The following KIF5B variants were observed in gnomAD, a reference collection of about 807,000 sequenced individuals.
KIF5B encodes the protein kinesin-1 heavy chain.
KIF5B carries 49 observed loss-of-function variants against 132.8 expected under a neutral mutation model. The observed-to-expected ratio is 0.37, with a 90% CI of 0.29 to 0.47. The LOEUF (loss-of-function observed/expected upper bound fraction) is 0.47, where lower values mean the gene tolerates loss of function less well. KIF5B is among the 20% of genes least tolerant of loss of function. The probability of loss-of-function intolerance (pLI) is 1.00; values close to 1 mark genes in which losing one functional copy is unlikely to be tolerated. For missense variants in KIF5B, 780 were observed against 1,144.0 expected (o/e 0.68, Z 4.59); for synonymous variants, 355 against 369.4 (o/e 0.96, Z 0.45).
At chr10:32,051,628 A>G (rs775461347) in intron 1 of KIF5B, among the ~76,000 whole-genome samples, 1 of 152,216 alleles carries the variant, frequency 6.6e-6, no homozygotes, top group African/African-American at 2.4e-5. Context: ...ATCTTTCTAG[A>G]AGTTATTGTT....
chr10:32,025,290 T>C (rs978668359), intron 15 of KIF5B, among the ~76,000 whole-genome samples: 1 of 152,226 alleles, frequency 6.6e-6, no homozygotes, highest in Non-Finnish European at 1.5e-5. Context: ...AAAGCTAACA[T>C]AGTCATAACG....
intron 1 of KIF5B, among the ~76,000 whole-genome samples, chr10:32,054,977 A>C (rs571319773): frequency 6.6e-6 from 1 of 152,214 alleles, no homozygotes; most frequent in Non-Finnish European, 1.5e-5. Flanking sequence ...AGAAGTATGA[A>C]TCTAATACTG....
chr10:32,021,772 A>C (rs957792119), intron 17 of KIF5B, among the ~76,000 whole-genome samples: 2 of 152,082 alleles, frequency 1.3e-5, no homozygotes, highest in African/African-American at 4.8e-5. Context: ...GGAGATCAAG[A>C]CCATCCTGCG....
chr10:32,015,640 C>T lies in KIF5B; in HGVS notation c.2781G>A (p.Gly927=). 6.2e-7 allele frequency: 1 copy of T among 1,612,570 alleles called. No individual in the cohort carries two copies. The highest frequency in any genetic ancestry group is 8.5e-7 in the Non-Finnish European group (1 of 1,179,298). ...SAQIAKPIRP[G]QHPAASPTHP... ...GAGTTGGAGAAGCTGCTGGATGTTG[C>T]CCGGGACGAATAGGTTTAGCTAATA... The change falls in exon 25 of 26, where the codon GGG becomes GGA. Residue 927 remains glycine, a synonymous_variant. Transcript: ENST00000302418.
chr10:32,049,098 G>A (rs1035400537), intron 1 of KIF5B, among the ~76,000 whole-genome samples: 5 of 152,078 alleles, frequency 3.3e-5, no homozygotes, highest in African/African-American at 9.7e-5. Context: ...CCAAGTGCTC[G>A]GATTACAGGT....
At chr10:32,051,486 T>C (rs1841694110) in intron 1 of KIF5B, among the ~76,000 whole-genome samples, 1 of 152,228 alleles carries the variant, frequency 6.6e-6, no homozygotes, top group South Asian at 2.1e-4. Flanking sequence ...AAGTACTTTA[T>C]GAAGCTGCTT....
intron 13 of KIF5B, 75 bp from the exon 14 acceptor site, chr10:32,031,354 T>G: frequency 9.0e-7 from 1 of 1,113,840 alleles, no homozygotes; most frequent in Non-Finnish European, 1.3e-6. Flanking sequence ...CTTCACCATT[T>G]GTCAAGAACA....
chr10:32,009,622 T>G lies in KIF5B; in HGVS notation c.*1915A>C, dbSNP rs1423619681. ...ACACAGCACCAATACCCATGATACA[T>G]CTTACAAGAACAAAACTAACATATT... On this transcript the variant is annotated 3_prime_UTR_variant, in exon 26 of 26. Transcript: ENST00000302418. 1 of 152,076 alleles carries G rather than the reference T, an allele frequency of 6.6e-6. No individual in the cohort carries two copies. Among genetic ancestry groups the G allele is most frequent in the Non-Finnish European group, 1.5e-5 (1 of 68,004 alleles). The allele number at this position is 152,076 out of a possible 1,614,324, so 9.4% of individuals were successfully genotyped here.
chr10:32,054,470 T>C (rs1841729017), intron 1 of KIF5B, among the ~76,000 whole-genome samples: 1 of 152,188 alleles, frequency 6.6e-6, no homozygotes, highest in Admixed American at 6.5e-5. Context: ...CTAAGACAAT[T>C]CATTTTTTGG....
chr10:32,049,574 A>G (rs1351879562), intron 1 of KIF5B, among the ~76,000 whole-genome samples: 1 of 152,226 alleles, frequency 6.6e-6, no homozygotes, highest in Non-Finnish European at 1.5e-5. Flanking sequence ...AAGTACAAGG[A>G]GCAAGGATCA....
At chr10:32,033,142 ATAT>A (rs1305806082) in intron 12 of KIF5B, among the ~76,000 whole-genome samples, 1 of 152,176 alleles carries the variant, frequency 6.6e-6, no homozygotes, top group African/African-American at 2.4e-5. Flanking sequence ...AAGCAGGAAG[ATAT>A]TATTTCCACT....
At chr10:32,018,647 T>G in intron 20 of KIF5B, 85 bp from the exon 21 acceptor site, 1 of 1,000,014 alleles carries the variant, frequency 1.0e-6, no homozygotes, top group South Asian at 1.5e-5. Flanking sequence ...ATATTTTGTG[T>G]CTGAAAGGAT....
chr10:32,045,168 G>A (rs78965552), intron 2 of KIF5B, among the ~76,000 whole-genome samples: 1,887 of 152,190 alleles, frequency 0.012, 38 homozygotes, highest in African/African-American at 0.043. Flanking sequence ...TTAAGAGACT[G>A]TGTAACTAAG....
At chr10:32,023,703 C>T (rs545291461) in intron 15 of KIF5B, among the ~76,000 whole-genome samples, 1 of 152,126 alleles carries the variant, frequency 6.6e-6, no homozygotes, top group East Asian at 1.9e-4. Context: ...GAATAAAGAG[C>T]CCAGGAATAA....
At chr10:32,028,120 T>C (rs1435729305) in intron 15 of KIF5B, among the ~76,000 whole-genome samples, 2 of 152,086 alleles carry the variant, frequency 1.3e-5, no homozygotes, top group African/African-American at 2.4e-5. Context: ...CACGCCACCA[T>C]GCCAGGCTCA....
chr10:32,037,409 C>T (rs776197766), intron 7 of KIF5B, 31 bp from the exon 8 acceptor site: 2 of 1,606,758 alleles, frequency 1.2e-6, no homozygotes, highest in South Asian at 1.1e-5. Flanking sequence ...CAAATATAAA[C>T]AAACATGATT....
intron 20 of KIF5B, 152 bp from the exon 21 acceptor site, chr10:32,018,714 G>T: frequency 3.2e-6 from 2 of 617,544 alleles, no homozygotes; most frequent in Non-Finnish European, 5.2e-6. Flanking sequence ...TACCTGTGCT[G>T]TCTTTCAAAA....
At chr10:32,055,101 C>A (rs1841736210) in intron 1 of KIF5B, among the ~76,000 whole-genome samples, 1 of 151,854 alleles carries the variant, frequency 6.6e-6, no homozygotes, top group African/African-American at 2.4e-5. Context: ...AGCAAGAATG[C>A]GATTTGTCTT....
rs1452869809 is a variant in KIF5B at position 32,009,355 on chromosome 10, G to C, written c.*2182C>G. The C allele has an allele frequency of 6.6e-6, 1 of 152,092 alleles. No homozygotes were observed. The highest frequency in any genetic ancestry group is 6.6e-5 in the Admixed American group (1 of 15,260). 9.4% of individuals were successfully genotyped at this position (152,092 alleles called of 1,614,324 possible). On this transcript the variant is annotated 3_prime_UTR_variant, in exon 26 of 26. Coordinates refer to ENST00000302418, the MANE Select transcript of KIF5B (RefSeq NM_004521.3). The stretch of plus-strand genomic sequence containing the variant: ...GAACGTTAATATATCCAGTCAAAAA[G>C]ACACTGCAAATTGAAATGTGTCAAT...
Sources: gnomAD v4.1 joint callset for allele counts (sites outside exome capture counted in the v4.1 genomes callset) on GRCh38, gnomAD v4.1.1 for gene constraint, MANE v1.5 for transcripts, NCBI Gene and HGNC (gene_info 2026-07-23, HGNC 2026-07-21) for gene names.